Variants in BLTP1 observed in about 807,000 individuals in gnomAD.
BLTP1 encodes fragile site-associated protein.
At chr4:122,303,315 A>G in the BLTP1 span, among the ~76,000 whole-genome samples, 1 of 152,220 alleles carries the variant, frequency 6.6e-6, no homozygotes, top group Admixed American at 6.5e-5. Context: ...CTATGGGTCT[A>G]CTGCTCAGAA....
chr4:122,331,489 G>A, the BLTP1 span: 1 of 1,611,630 alleles, frequency 6.2e-7, no homozygotes, highest in Non-Finnish European at 8.5e-7. Flanking sequence ...TGGAAAATGT[G>A]TACTCCACCC....
At chr4:122,318,993 T>C in the BLTP1 span, among the ~76,000 whole-genome samples, 2 of 152,210 alleles carry the variant, frequency 1.3e-5, no homozygotes, top group Admixed American at 1.3e-4. Context: ...CTATTTCATC[T>C]AGGTGATCAA....
At chr4:122,229,030 A>G in the BLTP1 span, 52 of 1,106,730 alleles carry the variant, frequency 4.7e-5, no homozygotes, top group Non-Finnish European at 5.8e-5. Context: ...CAATAACTAG[A>G]TTTTTTGTGT....
At chr4:122,258,946 T>C in the BLTP1 span, 2 of 634,130 alleles carry the variant, frequency 3.2e-6, no homozygotes, top group Non-Finnish European at 5.3e-6. Flanking sequence ...AATATTCAGA[T>C]AGCATTTTCG....
At chr4:122,279,977 A>G in the BLTP1 span, 4 of 1,613,996 alleles carry the variant, frequency 2.5e-6, no homozygotes, top group Non-Finnish European at 3.4e-6. Flanking sequence ...ACAGCCTTCT[A>G]CAGCGTAAGT....
At chr4:122,226,710 G>A in the BLTP1 span, 1 of 1,613,158 alleles carries the variant, frequency 6.2e-7, no homozygotes, top group Non-Finnish European at 8.5e-7. Flanking sequence ...TCTGTAGCTG[G>A]CATGCCTCTT....
At chr4:122,207,755 T>C in the BLTP1 span, 1 of 1,060,564 alleles carries the variant, frequency 9.4e-7, no homozygotes, top group Non-Finnish European at 1.3e-6. Context: ...ATTTTTAGCT[T>C]TCCTCCAATG....
At chr4:122,280,256 C>T in the BLTP1 span, 1 of 926,170 alleles carries the variant, frequency 1.1e-6, no homozygotes, top group South Asian at 5.0e-5. Context: ...GTAAGAGGTA[C>T]TAATAAAAAG....
the BLTP1 span, chr4:122,348,987 A>ATC: frequency 1.7e-6 from 1 of 597,808 alleles, no homozygotes; most frequent in South Asian, 3.3e-5. Context: ...AAGCTTCATT[A>ATC]TCAATGTTAA....
the BLTP1 span, chr4:122,187,771 A>C: frequency 8.9e-7 from 1 of 1,121,248 alleles, no homozygotes; most frequent in Non-Finnish European, 1.2e-6. Flanking sequence ...AATAGCACAT[A>C]GTCCTAAAGT....
the BLTP1 span, chr4:122,238,227 G>T: frequency 6.2e-7 from 1 of 1,613,488 alleles, no homozygotes; most frequent in Non-Finnish European, 8.5e-7. Flanking sequence ...GAAGAGAACA[G>T]TAGTTCTAGT....
chr4:122,267,305 C>T, the BLTP1 span, among the ~76,000 whole-genome samples: 5 of 151,902 alleles, frequency 3.3e-5, no homozygotes, highest in South Asian at 2.1e-4. Context: ...GTGATCCACC[C>T]GCCTCGGCCT....
the BLTP1 span, among the ~76,000 whole-genome samples, chr4:122,274,892 A>G: frequency 6.6e-6 from 1 of 152,232 alleles, no homozygotes; most frequent in African/African-American, 2.4e-5. Flanking sequence ...AAATCTGAAT[A>G]ATGTGATAGC....
the BLTP1 span, among the ~76,000 whole-genome samples, chr4:122,319,470 G>A: frequency 3.3e-5 from 5 of 149,630 alleles, no homozygotes; most frequent in Non-Finnish European, 7.4e-5. Flanking sequence ...TCATGTTCAG[G>A]TATCTTTCTG....
the BLTP1 span, among the ~76,000 whole-genome samples, chr4:122,334,952 C>G: frequency 6.6e-6 from 1 of 152,042 alleles, no homozygotes; most frequent in Non-Finnish European, 1.5e-5. Flanking sequence ...CTTACAACCT[C>G]AACCACAGGT....
chr4:122,187,870 T>A, the BLTP1 span: 2 of 1,559,790 alleles, frequency 1.3e-6, no homozygotes, highest in South Asian at 2.5e-5. Context: ...TAATATCTCT[T>A]ATCTGTTTAT....
the BLTP1 span, chr4:122,306,101 C>G: frequency 1.3e-6 from 2 of 1,498,286 alleles, no homozygotes; most frequent in South Asian, 2.7e-5. Context: ...TTTGTTAATG[C>G]TAGATAAGAA....
At chr4:122,286,835 A>G in the BLTP1 span, 12 of 1,475,060 alleles carry the variant, frequency 8.1e-6, no homozygotes, top group Non-Finnish European at 1.1e-5. Context: ...GGAGTCTTCA[A>G]GATTTATATG....
the BLTP1 span, chr4:122,288,620 C>G: frequency 1.6e-5 from 3 of 192,742 alleles, no homozygotes; most frequent in Admixed American, 6.6e-5. Context: ...CCACTGCACT[C>G]CAGCCTGGGT....
Sources: gnomAD v4.1 joint callset for allele counts (sites outside exome capture counted in the v4.1 genomes callset) on GRCh38, gnomAD v4.1.1 for gene constraint, MANE v1.5 for transcripts, NCBI Gene and HGNC (gene_info 2026-07-23, HGNC 2026-07-21) for gene names.